ADD3: variants seen among roughly 807,000 people sequenced by gnomAD.
ADD3 encodes gamma-adducin.
In ADD3, 25 loss-of-function variants were observed where a neutral mutation model predicts 80.2. The ratio of observed to expected loss-of-function variants is 0.31; its 90% CI spans 0.23 to 0.44. ADD3 has a LOEUF of 0.44. ADD3 is among the 20% of genes least tolerant of loss of function. The pLI, the probability that ADD3 is intolerant of heterozygous loss-of-function variation, is 1.00. For missense variants in ADD3, 829 were observed against 847.5 expected (o/e 0.98, Z 0.27); for synonymous variants, 284 against 289.6 (o/e 0.98, Z 0.20).
chr10:110,118,643 T>A lies in ADD3; in HGVS notation c.624T>A (p.Ile208=). 6.2e-7 allele frequency: 1 copy of A among 1,613,880 alleles called. No homozygotes were observed. Among genetic ancestry groups the A allele is most frequent in the Non-Finnish European group, 8.5e-7 (1 of 1,179,778 alleles). Residue 208 remains isoleucine, a synonymous_variant, in exon 6 of 15, where the codon ATT becomes ATA. Transcript: ENST00000356080. ...ACCAGGGAAGTACCAATTTGAAAAT[T>A]GACCATACAGGATTCAGTCCCCATG... ...VVDQGSTNLK[I]DHTGFSPHAA... is the part of the protein sequence containing the mutation.
At chr10:110,132,924 CAAAAAAAAAA>C (rs60435351) in intron 14 of ADD3, among the ~76,000 whole-genome samples, 3 of 66,276 alleles carry the variant, frequency 4.5e-5, no homozygotes, top group Non-Finnish European at 6.6e-5. Context: ...GACTCCGCCT[CAAAAAAAAAA>C]AAAAAAAAAA....
chr10:110,129,732 C>A (rs1405593762), intron 12 of ADD3, among the ~76,000 whole-genome samples: 1 of 152,188 alleles, frequency 6.6e-6, no homozygotes, highest in Admixed American at 6.5e-5. Flanking sequence ...CCTGCTGTTC[C>A]ACTTGCATTC....
intron 1 of ADD3, among the ~76,000 whole-genome samples, chr10:110,075,270 A>G (rs963936515): frequency 2.0e-5 from 3 of 152,046 alleles, no homozygotes; most frequent in Admixed American, 6.6e-5. Context: ...TGGAAGGGTG[A>G]TATTCAGAAG....
chr10:110,105,059 A>G (rs1346441356), intron 2 of ADD3, among the ~76,000 whole-genome samples: 1 of 152,182 alleles, frequency 6.6e-6, no homozygotes, highest in Non-Finnish European at 1.5e-5. Context: ...TTTGGTGTAA[A>G]TGTAAATTTG....
chr10:110,120,750 T>C (rs1334828099), intron 8 of ADD3, among the ~76,000 whole-genome samples: 6 of 152,080 alleles, frequency 3.9e-5, no homozygotes, highest in Admixed American at 6.5e-5. Flanking sequence ...CTTCAAACTA[T>C]ACTACAAGGC....
chr10:110,025,083 T>G (rs1344168329), intron 1 of ADD3, among the ~76,000 whole-genome samples: 1 of 151,902 alleles, frequency 6.6e-6, no homozygotes, highest in Non-Finnish European at 1.5e-5. Context: ...TTTAATAGCG[T>G]CGGGGTTTTG....
chr10:110,129,288 T>C (rs1852628482), intron 12 of ADD3, among the ~76,000 whole-genome samples: 1 of 152,038 alleles, frequency 6.6e-6, no homozygotes, highest in Non-Finnish European at 1.5e-5. Context: ...TAGCTGGGAT[T>C]ACAGGCATGC....
chr10:110,026,936 C>T (rs373178084), intron 1 of ADD3, among the ~76,000 whole-genome samples: 14 of 152,070 alleles, frequency 9.2e-5, no homozygotes, highest in Admixed American at 5.2e-4. Context: ...GTAATGTATT[C>T]GAAGTAGTAT....
At chr10:110,044,663 A>C (rs920870632) in intron 1 of ADD3, among the ~76,000 whole-genome samples, 3 of 152,250 alleles carry the variant, frequency 2.0e-5, no homozygotes, top group Non-Finnish European at 4.4e-5. Context: ...TTCAAAATAA[A>C]ATTGTAGACT....
At chr10:110,124,379 A>T in intron 10 of ADD3, 105 bp downstream of exon 10, 2 of 1,290,084 alleles carry the variant, frequency 1.6e-6, no homozygotes, top group Non-Finnish European at 2.1e-6. Flanking sequence ...AATAATATTA[A>T]AAATATTACT....
intron 1 of ADD3, among the ~76,000 whole-genome samples, chr10:110,025,295 A>G (rs10159691): frequency 0.12 from 18,943 of 151,792 alleles, 3,770 homozygotes; most frequent in African/African-American, 0.42. Context: ...CACTCATACT[A>G]TAGTATAAAT....
intron 1 of ADD3, among the ~76,000 whole-genome samples, chr10:110,061,780 G>A (rs1011399888): frequency 6.6e-6 from 1 of 152,114 alleles, no homozygotes; most frequent in Non-Finnish European, 1.5e-5. Context: ...ATCTTCAAGG[G>A]CATCTAATTC....
At chr10:110,042,786 C>G (rs1856519139) in intron 1 of ADD3, among the ~76,000 whole-genome samples, 1 of 148,878 alleles carries the variant, frequency 6.7e-6, no homozygotes, top group East Asian at 2.0e-4. Context: ...CAATTTCTAT[C>G]ATCCAGTTAT....
At chr10:110,090,014 C>T (rs1847274871) in intron 1 of ADD3, among the ~76,000 whole-genome samples, 2 of 152,048 alleles carry the variant, frequency 1.3e-5, no homozygotes, top group South Asian at 4.1e-4. Flanking sequence ...GCCTCTCTTC[C>T]TCTCCCAACC....
chr10:110,027,382 C>G, intron 1 of ADD3, among the ~76,000 whole-genome samples: 1 of 152,110 alleles, frequency 6.6e-6, no homozygotes, highest in East Asian at 1.9e-4. Context: ...ACTGTTCTCT[C>G]CACCCCAAAA....
intron 1 of ADD3, among the ~76,000 whole-genome samples, chr10:110,030,742 G>T (rs1854907369): frequency 6.6e-6 from 1 of 151,668 alleles, no homozygotes; most frequent in Non-Finnish European, 1.5e-5. Context: ...ACAAGAAAAA[G>T]AACATAAAAT....
chr10:110,060,517 A>T (rs1456737798), intron 1 of ADD3, among the ~76,000 whole-genome samples: 2 of 152,252 alleles, frequency 1.3e-5, no homozygotes, highest in African/African-American at 4.8e-5. Context: ...TAATTTCTTT[A>T]TAAAGAATCA....
chr10:110,002,207 G>A (rs988689203), upstream of ADD3, among the ~76,000 whole-genome samples: 1 of 151,998 alleles, frequency 6.6e-6, no homozygotes, highest in Admixed American at 6.5e-5. Context: ...CAGGAGAAAC[G>A]CTTGAACCCA....
At chr10:110,113,731 G>A (rs990206612) in intron 3 of ADD3, among the ~76,000 whole-genome samples, 2 of 152,200 alleles carry the variant, frequency 1.3e-5, no homozygotes, top group Non-Finnish European at 2.9e-5. Flanking sequence ...TCTGTGTGAA[G>A]AATGAACTGG....
Sources: allele counts gnomAD v4.1 joint callset (sites outside exome capture counted in the v4.1 genomes callset), GRCh38; gene constraint gnomAD v4.1.1; transcripts MANE v1.5; gene names NCBI Gene and HGNC (gene_info 2026-07-23, HGNC 2026-07-21).